ANKS1B: variants seen among roughly 807,000 people sequenced by gnomAD.
ANKS1B encodes the protein ankyrin repeat and sterile alpha motif domain-containing protein 1B.
A neutral mutation model predicts 148.3 loss-of-function variants in ANKS1B; 36 were observed. The observed-to-expected ratio is 0.24, with a 90% CI of 0.19 to 0.32. The LOEUF (loss-of-function observed/expected upper bound fraction) is 0.32, where lower values mean the gene tolerates loss of function less well. Among genes scored for constraint, ANKS1B ranks in the 10% least tolerant of loss-of-function variants. ANKS1B has a pLI of 1.00. For missense variants in ANKS1B, 1,157 were observed against 1,542.6 expected (o/e 0.75, Z 4.19); for synonymous variants, 542 against 560.8 (o/e 0.97, Z 0.47).
intron 17 of ANKS1B, among the ~76,000 whole-genome samples, chr12:98,835,783 C>T (rs2099359459): frequency 6.6e-6 from 1 of 152,148 alleles, no homozygotes; most frequent in African/African-American, 2.4e-5. Context: ...CGAATTAACA[C>T]AGGATGGTTA....
chr12:99,626,646 C>A (rs1312825999), intron 9 of ANKS1B, among the ~76,000 whole-genome samples: 2 of 152,132 alleles, frequency 1.3e-5, no homozygotes, highest in African/African-American at 4.8e-5. Context: ...AATTCTTTAC[C>A]CACCTTTATA....
chr12:99,052,792 A>C (rs2099967124), intron 17 of ANKS1B, among the ~76,000 whole-genome samples: 2 of 150,442 alleles, frequency 1.3e-5, no homozygotes, highest in African/African-American at 4.9e-5. Context: ...TAGAGATAGA[A>C]AACTAAAAAA....
intron 17 of ANKS1B, among the ~76,000 whole-genome samples, chr12:98,973,298 T>G (rs540525708): frequency 1.3e-5 from 2 of 152,210 alleles, no homozygotes; most frequent in South Asian, 4.1e-4. Flanking sequence ...CATTCTATGA[T>G]GCTGCCACAT....
At chr12:99,283,295 T>C (rs2154001631) in intron 12 of ANKS1B, among the ~76,000 whole-genome samples, 1 of 152,274 alleles carries the variant, frequency 6.6e-6, no homozygotes, top group Middle Eastern at 3.4e-3. Context: ...CTTCCTTCTA[T>C]TTTTTGGCTC....
intron 17 of ANKS1B, among the ~76,000 whole-genome samples, chr12:98,915,063 T>C (rs1003262301): frequency 1.3e-5 from 2 of 152,132 alleles, no homozygotes; most frequent in African/African-American, 4.8e-5. Context: ...TTGAATTATG[T>C]TCCCCCCACC....
At chr12:99,602,323 T>C (rs1159873829) in intron 9 of ANKS1B, among the ~76,000 whole-genome samples, 1 of 152,076 alleles carries the variant, frequency 6.6e-6, no homozygotes, top group African/African-American at 2.4e-5. Context: ...CAAATAATGG[T>C]TGTGTCTAAT....
intron 9 of ANKS1B, among the ~76,000 whole-genome samples, chr12:99,604,405 G>A (rs1227068558): frequency 6.6e-6 from 1 of 151,648 alleles, no homozygotes; most frequent in African/African-American, 2.4e-5. Flanking sequence ...AGTTAATTTG[G>A]GTCAAAAAGA....
chr12:99,968,801 G>C (rs1242804617), intron 1 of ANKS1B, among the ~76,000 whole-genome samples: 2 of 152,154 alleles, frequency 1.3e-5, no homozygotes, highest in African/African-American at 2.4e-5. Flanking sequence ...TGATGACTGA[G>C]TTCTCCAAAT....
At chr12:99,323,212 T>C (rs1304165737) in intron 12 of ANKS1B, among the ~76,000 whole-genome samples, 2 of 152,238 alleles carry the variant, frequency 1.3e-5, no homozygotes, top group Admixed American at 6.5e-5. Flanking sequence ...TGTTCTATTA[T>C]GCTTCATTTG....
intron 14 of ANKS1B, among the ~76,000 whole-genome samples, chr12:99,235,809 C>T (rs939549606): frequency 5.3e-5 from 8 of 152,148 alleles, no homozygotes; most frequent in African/African-American, 1.2e-4. Flanking sequence ...GGGGCCCAGC[C>T]GAGTTAGAAT....
chr12:99,442,180 C>A (rs1219511515), intron 11 of ANKS1B, among the ~76,000 whole-genome samples: 1 of 151,758 alleles, frequency 6.6e-6, no homozygotes, highest in Non-Finnish European at 1.5e-5. Flanking sequence ...TAGACCCCAT[C>A]AAATTTCCTT....
At chr12:99,009,533 AGAG>A (rs1374401647) in intron 17 of ANKS1B, among the ~76,000 whole-genome samples, 2 of 152,254 alleles carry the variant, frequency 1.3e-5, no homozygotes, top group East Asian at 3.9e-4. Context: ...CTTGTTTTGG[AGAG>A]GAGAGGCATA....
chr12:99,508,277 A>G (rs2096731916), intron 9 of ANKS1B, among the ~76,000 whole-genome samples: 1 of 151,830 alleles, frequency 6.6e-6, no homozygotes, highest in Non-Finnish European at 1.5e-5. Context: ...ATTTTCCCAT[A>G]TGAAGTCTCT....
chr12:99,748,458 T>C (rs10778014), intron 8 of ANKS1B, among the ~76,000 whole-genome samples: 66,188 of 151,562 alleles, frequency 0.44, 14,855 homozygotes, highest in South Asian at 0.61. Context: ...TCATGGAATA[T>C]CTTTCCAATT....
chr12:99,292,982 C>A (rs1486479200), intron 12 of ANKS1B, among the ~76,000 whole-genome samples: 1 of 152,208 alleles, frequency 6.6e-6, no homozygotes, highest in East Asian at 1.9e-4. Flanking sequence ...ACCATTTGAC[C>A]CAGCAATCCC....
chr12:98,755,980 T>C (rs949219479), intron 25 of ANKS1B, among the ~76,000 whole-genome samples: 2 of 152,158 alleles, frequency 1.3e-5, no homozygotes, highest in Non-Finnish European at 2.9e-5. Flanking sequence ...ATTTGTGAGG[T>C]TGAATCATGA....
intron 9 of ANKS1B, among the ~76,000 whole-genome samples, chr12:99,643,223 T>G (rs959487448): frequency 6.6e-6 from 1 of 152,058 alleles, no homozygotes; most frequent in African/African-American, 2.4e-5. Flanking sequence ...TCTTAACCCA[T>G]TACACAACAT....
At chr12:99,475,986 A>G (rs2096313219) in intron 10 of ANKS1B, among the ~76,000 whole-genome samples, 1 of 152,188 alleles carries the variant, frequency 6.6e-6, no homozygotes, top group Non-Finnish European at 1.5e-5. Flanking sequence ...AAACAATAAT[A>G]ATCTTAAAAT....
At chr12:99,764,976 G>A (rs2062507557) in intron 8 of ANKS1B, among the ~76,000 whole-genome samples, 1 of 152,170 alleles carries the variant, frequency 6.6e-6, no homozygotes, top group South Asian at 2.1e-4. Flanking sequence ...CTAGAAGTGG[G>A]TGGACAGGGT....
Sources: allele counts gnomAD v4.1 joint callset (sites outside exome capture counted in the v4.1 genomes callset), GRCh38; gene constraint gnomAD v4.1.1; transcripts MANE v1.5; gene names NCBI Gene and HGNC (gene_info 2026-07-23, HGNC 2026-07-21).